INPP5B: variants seen among roughly 807,000 people sequenced by gnomAD.
The protein encoded by INPP5B is inositol polyphosphate-5-phosphatase B, also known as type II inositol 1,4,5-trisphosphate 5-phosphatase.
Under a neutral mutation model 118.5 loss-of-function variants are expected in INPP5B, and 90 were observed. That is an observed-to-expected ratio of 0.76 (90% CI 0.64 to 0.90). INPP5B has a LOEUF of 0.90. Among genes scored for constraint, INPP5B ranks in the 40% least tolerant of loss-of-function variants. The pLI, the probability that INPP5B is intolerant of heterozygous loss-of-function variation, is 0.00. For synonymous variants in INPP5B, 385 were observed against 418.9 expected (o/e 0.92, Z 0.99); for missense variants, 984 against 1,125.6 (o/e 0.87, Z 1.80).
chr1:37,926,692 A>G (rs533171337), intron 7 of INPP5B, among the ~76,000 whole-genome samples: 14 of 152,262 alleles, frequency 9.2e-5, no homozygotes, highest in African/African-American at 3.4e-4. Context: ...CTGAGTAGCC[A>G]TTTCCTTTTT....
At chr1:37,933,758 T>TA (rs1247805317) in intron 6 of INPP5B, among the ~76,000 whole-genome samples, 26 of 139,186 alleles carry the variant, frequency 1.9e-4, no homozygotes, top group African/African-American at 5.2e-4. Context: ...AATAAATAAA[T>TA]AATAGATAAA....
intron 16 of INPP5B, among the ~76,000 whole-genome samples, chr1:37,876,714 A>AAC (rs1553152994): frequency 1.3e-5 from 2 of 148,668 alleles, no homozygotes; most frequent in Admixed American, 6.7e-5. Flanking sequence ...AAAAAAAAAA[A>AAC]AAAAAAAAAC....
In INPP5B at chr1:37,927,536, TTTC is replaced by T. The variant is rs1191973369; in HGVS notation, c.532+4374_532+4376del. 3.6e-4 allele frequency among the ~76,000 whole-genome samples: 55 copies of T among 151,504 alleles called. 1 individual carries two copies. Among genetic ancestry groups the T allele is most frequent in the African/African-American group, 1.3e-3 (55 of 41,164 alleles). On this transcript the variant is annotated intron_variant, in intron 7 of 23. Transcript: ENST00000373024. The stretch of plus-strand genomic sequence containing the variant: ...TAGCTCCATTTCATTTTTCTTTTTC[TTTC>T]TTTTTTTTTTTTTTTGAGACAGAGT...
At chr1:37,943,994 C>T in intron 3 of INPP5B, 101 bp from the exon 4 acceptor site, 1 of 825,114 alleles carries the variant, frequency 1.2e-6, no homozygotes, top group East Asian at 2.5e-5. Flanking sequence ...TGGTCCCTAA[C>T]ACTGTGCTGG....
chr1:37,933,792 C>T (rs1645584560), intron 6 of INPP5B, among the ~76,000 whole-genome samples: 2 of 151,008 alleles, frequency 1.3e-5, no homozygotes, highest in South Asian at 4.2e-4. Flanking sequence ...TTCACATTCA[C>T]ATTTAGGAAG....
intron 7 of INPP5B, among the ~76,000 whole-genome samples, chr1:37,892,987 T>G (rs1418638249): frequency 1.3e-5 from 2 of 152,188 alleles, no homozygotes; most frequent in Non-Finnish European, 2.9e-5. Context: ...ACCTTGATCT[T>G]GGACTTCTCA....
At chr1:37,934,777 A>C (rs977297648) in intron 6 of INPP5B, among the ~76,000 whole-genome samples, 5 of 152,162 alleles carry the variant, frequency 3.3e-5, no homozygotes, top group Non-Finnish European at 5.9e-5. Flanking sequence ...ACACACACCC[A>C]ATCCTAAAAG....
At chr1:37,919,880 T>A (rs1207883235) in intron 7 of INPP5B, among the ~76,000 whole-genome samples, 1 of 152,156 alleles carries the variant, frequency 6.6e-6, no homozygotes, top group Non-Finnish European at 1.5e-5. Flanking sequence ...AGGCAGAGGT[T>A]GCAGTGAGCC....
At chr1:37,944,694 G>A (rs752297893) in intron 3 of INPP5B, among the ~76,000 whole-genome samples, 3 of 149,678 alleles carry the variant, frequency 2.0e-5, no homozygotes, top group South Asian at 2.2e-4. Context: ...TGATCCTCCC[G>A]CCTCAGCCTC....
At chr1:37,897,059 G>A (rs1381327649) in intron 7 of INPP5B, among the ~76,000 whole-genome samples, 1 of 149,182 alleles carries the variant, frequency 6.7e-6, no homozygotes, top group Admixed American at 6.6e-5. Flanking sequence ...CCCCTACTGG[G>A]AAGTGAGGAG....
intron 15 of INPP5B, among the ~76,000 whole-genome samples, chr1:37,878,941 C>T (rs1643014632): frequency 6.6e-6 from 1 of 150,664 alleles, no homozygotes; most frequent in South Asian, 2.1e-4. Flanking sequence ...TGAGCCACCG[C>T]ACCCAGCCTA....
chr1:37,869,150 G>T, intron 19 of INPP5B, among the ~76,000 whole-genome samples: 1 of 151,352 alleles, frequency 6.6e-6, no homozygotes, highest in Non-Finnish European at 1.5e-5. Flanking sequence ...GTGCCATCAC[G>T]CCCGGCTAAT....
rs375185384 is a variant in INPP5B, at chr1:37,874,002, G to A, written c.1942C>T (p.Leu648Phe). ...GGAACAGAGGCCTTACCTGGCAGGA[G>A]GAAGCCTCTGCTGGGGTTGGCATTC... ...WLNANPSRGF[L>F]LPDSDVEIDL... is the part of the protein sequence containing the mutation. Residue 648 changes from leucine to phenylalanine, a missense_variant, in exon 18 of 24, where the codon CTC becomes TTC. By Grantham distance (22) the Leu-to-Phe change is conservative (BLOSUM62 0). Transcript: ENST00000373024. 1.3e-6 allele frequency: 2 copies of A among 1,569,626 alleles called. No homozygotes were observed. The highest frequency in any genetic ancestry group is 2.3e-5 in the East Asian group (1 of 44,016).
At chr1:37,917,821 T>G (rs1394378983) in intron 7 of INPP5B, among the ~76,000 whole-genome samples, 2 of 152,150 alleles carry the variant, frequency 1.3e-5, no homozygotes, top group Non-Finnish European at 2.9e-5. Context: ...ACTAGCACAT[T>G]GGACAGTGCA....
At chr1:37,869,213 G>A (rs1490568132) in intron 19 of INPP5B, among the ~76,000 whole-genome samples, 1 of 151,562 alleles carries the variant, frequency 6.6e-6, no homozygotes, top group East Asian at 2.0e-4. Flanking sequence ...GGCTGGTCTC[G>A]AACTCCTGAG....
At chr1:37,884,813 T>A (rs888475727) in intron 13 of INPP5B, among the ~76,000 whole-genome samples, 1 of 151,874 alleles carries the variant, frequency 6.6e-6, no homozygotes, top group Non-Finnish European at 1.5e-5. Context: ...TATCCAGGCC[T>A]GGTGGCACGC....
chr1:37,937,243 G>A (rs747996931), intron 6 of INPP5B, among the ~76,000 whole-genome samples: 13 of 151,916 alleles, frequency 8.6e-5, no homozygotes, highest in East Asian at 2.0e-4. Context: ...TCCAAGAGGC[G>A]GAGGTTGCAG....
chr1:37,893,161 A>G (rs1053625332), intron 7 of INPP5B, among the ~76,000 whole-genome samples: 2 of 126,376 alleles, frequency 1.6e-5, no homozygotes, highest in Admixed American at 2.1e-4. Flanking sequence ...GGTTCACTGT[A>G]GCCTTGACCT....
chr1:37,931,438 C>T (rs1325811712), intron 7 of INPP5B: 1 of 1,525,172 alleles, frequency 6.6e-7, no homozygotes, highest in Admixed American at 2.0e-5. Flanking sequence ...TACTAAAACC[C>T]CAGCCTCCGG....
Sources: allele counts gnomAD v4.1 joint callset (sites outside exome capture counted in the v4.1 genomes callset), GRCh38; gene constraint gnomAD v4.1.1; transcripts MANE v1.5; gene names NCBI Gene and HGNC (gene_info 2026-07-23, HGNC 2026-07-21).